RBM6: variants seen among roughly 807,000 people sequenced by gnomAD.
RBM6 encodes RNA binding motif protein 6, also known as RNA-binding protein 6.
Under a neutral mutation model 140.4 loss-of-function variants are expected in RBM6, and 23 were observed. The observed-to-expected ratio is 0.16, with a 90% CI of 0.12 to 0.23. The LOEUF (loss-of-function observed/expected upper bound fraction) is 0.23. Among genes scored for constraint, RBM6 ranks in the 10% least tolerant of loss-of-function variants. RBM6 has a pLI of 1.00. For synonymous variants in RBM6, 439 were observed against 475.6 expected (o/e 0.92, Z 1.00); for missense variants, 1,139 against 1,386.7 (o/e 0.82, Z 2.84).
chr3:50,000,460 G>T (rs1321075845), intron 6 of RBM6, among the ~76,000 whole-genome samples: 1 of 133,560 alleles, frequency 7.5e-6, no homozygotes, highest in Non-Finnish European at 1.6e-5. Context: ...TGCTCTTGTT[G>T]CCCAGGCTGG....
intron 1 of RBM6, among the ~76,000 whole-genome samples, chr3:49,961,286 T>C (rs1201720126): frequency 2.0e-5 from 3 of 151,902 alleles, no homozygotes; most frequent in Non-Finnish European, 4.4e-5. Context: ...CCATGTTGCC[T>C]AGGCTGGTCT....
chr3:49,988,230 A>G (rs2085654684), intron 5 of RBM6, among the ~76,000 whole-genome samples: 1 of 151,574 alleles, frequency 6.6e-6, no homozygotes, highest in South Asian at 2.1e-4. Flanking sequence ...CTGCAACCTC[A>G]ATCTCCTGGG....
intron 6 of RBM6, among the ~76,000 whole-genome samples, chr3:50,018,282 C>T (rs1011497117): frequency 1.3e-5 from 2 of 152,104 alleles, no homozygotes; most frequent in African/African-American, 2.4e-5. Context: ...CAATATGTAG[C>T]CTTTTCAGAT....
intron 7 of RBM6, among the ~76,000 whole-genome samples, chr3:50,050,825 GT>G (rs1025047845): frequency 6.6e-6 from 1 of 151,858 alleles, no homozygotes; most frequent in African/African-American, 2.4e-5. Context: ...GACTTTGAGG[GT>G]TTTTTTTCAT....
intron 7 of RBM6, chr3:50,053,870 C>T (rs913878100): frequency 6.5e-6 from 1 of 153,228 alleles, no homozygotes; most frequent in African/African-American, 2.4e-5. Flanking sequence ...GCCAGAGACA[C>T]TATCTGTATC....
chr3:49,984,714 T>C (rs909420460), intron 5 of RBM6, among the ~76,000 whole-genome samples: 2 of 152,044 alleles, frequency 1.3e-5, no homozygotes, highest in African/African-American at 4.8e-5. Flanking sequence ...GCAGAAATCT[T>C]GTAGTCAGCC....
intron 6 of RBM6, among the ~76,000 whole-genome samples, chr3:50,017,387 T>C (rs765458118): frequency 7.9e-5 from 12 of 151,570 alleles, no homozygotes; most frequent in Non-Finnish European, 1.3e-4. Flanking sequence ...GAAACCCCGT[T>C]TCTACTAAAA....
chr3:49,969,876 C>T (rs959759587), intron 3 of RBM6, among the ~76,000 whole-genome samples: 1 of 152,010 alleles, frequency 6.6e-6, no homozygotes, highest in African/African-American at 2.4e-5. Flanking sequence ...TCAAGGGGTT[C>T]CCCCGCCTCA....
intron 5 of RBM6, among the ~76,000 whole-genome samples, chr3:49,993,533 T>C (rs2085925524): frequency 6.6e-6 from 1 of 152,050 alleles, no homozygotes; most frequent in African/African-American, 2.4e-5. Context: ...ACCTAGCTAC[T>C]CAGGAGGCTA....
At chr3:50,053,354 A>G (rs1366173476) in intron 7 of RBM6, among the ~76,000 whole-genome samples, 1 of 152,100 alleles carries the variant, frequency 6.6e-6, no homozygotes, top group East Asian at 1.9e-4. Flanking sequence ...CAACATGGAG[A>G]AACCCTGCCT....
intron 13 of RBM6, 76 bp from the exon 14 acceptor site, chr3:50,061,386 T>C: frequency 6.3e-7 from 1 of 1,579,460 alleles, no homozygotes; most frequent in Admixed American, 2.0e-5. Context: ...ACCCTAATTC[T>C]TGGGTTCTTG....
chr3:50,068,814 C>T (rs774973011), intron 18 of RBM6, 50 bp downstream of exon 18: 1 of 1,505,096 alleles, frequency 6.6e-7, no homozygotes, highest in Admixed American at 1.7e-5. Context: ...TTTTTGCTTT[C>T]TGATATAGAC....
At chr3:50,063,083 G>C (rs1326102473) in intron 15 of RBM6, among the ~76,000 whole-genome samples, 1 of 151,810 alleles carries the variant, frequency 6.6e-6, no homozygotes, top group African/African-American at 2.4e-5. Flanking sequence ...TGTAGAGACA[G>C]GATCTTGCTA....
At chr3:50,059,826 A>G in intron 11 of RBM6, 80 bp downstream of exon 11, 4 of 1,108,746 alleles carry the variant, frequency 3.6e-6, no homozygotes, top group Non-Finnish European at 5.3e-6. Context: ...GGCTGGAAAA[A>G]CAGTAAAGCA....
In RBM6 at chr3:50,001,035, A is replaced by AT. The variant is rs747954777; in HGVS notation, c.1557+1525dup. Among the ~76,000 whole-genome samples, 93 of 152,290 alleles carry AT rather than the reference A, an allele frequency of 6.1e-4. 3 individuals are homozygous for AT. The highest frequency in any genetic ancestry group is 3.5e-4 in the Non-Finnish European group (24 of 68,024). On this transcript the variant is annotated intron_variant, in intron 6 of 20. Transcript: ENST00000266022. ...AGACTTAAGAGGATTCTCATTGACCATTTGTTCAGTGTCCATCACTGAATC... is the reference window on the plus strand; with the variant it reads ...AGACTTAAGAGGATTCTCATTGACCATTTTGTTCAGTGTCCATCACTGAATC...
At chr3:50,015,049 A>G (rs2087051224) in intron 6 of RBM6, among the ~76,000 whole-genome samples, 1 of 42,426 alleles carries the variant, frequency 2.4e-5, no homozygotes, top group Non-Finnish European at 4.5e-5. Context: ...ACTGTCTCAA[A>G]AAAAAAAAAA....
At chr3:49,956,658 T>A (rs953067728) in intron 1 of RBM6, among the ~76,000 whole-genome samples, 2 of 147,530 alleles carry the variant, frequency 1.4e-5, no homozygotes, top group Non-Finnish European at 1.5e-5. Flanking sequence ...ATTTTTATTT[T>A]TTATTATTTA....
At chr3:50,067,062 C>T (rs2090146173) in intron 17 of RBM6, among the ~76,000 whole-genome samples, 1 of 151,196 alleles carries the variant, frequency 6.6e-6, no homozygotes, top group African/African-American at 2.4e-5. Context: ...TGGCGCATGC[C>T]TGTAATCCCA....
intron 6 of RBM6, among the ~76,000 whole-genome samples, chr3:50,005,989 G>A (rs1034837181): frequency 6.6e-6 from 1 of 151,846 alleles, no homozygotes; most frequent in Non-Finnish European, 1.5e-5. Flanking sequence ...AGAGAGTTGG[G>A]GTATTCAAGA....
Sources: allele counts gnomAD v4.1 joint callset (sites outside exome capture counted in the v4.1 genomes callset), GRCh38; gene constraint gnomAD v4.1.1; transcripts MANE v1.5; gene names NCBI Gene and HGNC (gene_info 2026-07-23, HGNC 2026-07-21).